PKM: variants seen among roughly 807,000 people sequenced by gnomAD.
PKM encodes pyruvate kinase M1/2, also known as pyruvate kinase PKM.
PKM carries 18 observed loss-of-function variants against 49.8 expected under a neutral mutation model. The observed-to-expected ratio is 0.36, with a 90% CI of 0.25 to 0.54. The LOEUF is 0.54. PKM is among the 20% of genes least tolerant of loss of function. The pLI, the probability that PKM is intolerant of heterozygous loss-of-function variation, is 0.89. For synonymous variants in PKM, 239 were observed against 261.8 expected (o/e 0.91, Z 0.84); for missense variants, 508 against 713.8 (o/e 0.71, Z 3.28).
At position 72,209,767 on chromosome 15, in the gene PKM, C is replaced by T; in HGVS notation, c.471G>A (p.Leu157=). Residue 157 remains leucine (L), a synonymous_variant, in exon 5 of 11, where the codon CTG becomes CTA. Transcript: ENST00000335181. ...AYMEKCDENI[L]WLDYKNICKV... is the part of the protein sequence containing the mutation. ...TGCAGATGTTCTTGTAGTCCAGCCA[C>T]AGGATGTTCTCGTCACACTTTTCCA... is the stretch of plus-strand genomic sequence containing the variant. 1.2e-6 allele frequency: 2 copies of T among 1,614,082 alleles called. No individual in the cohort carries two copies. Among genetic ancestry groups the T allele is most frequent in the Non-Finnish European group, 1.7e-6 (2 of 1,179,980 alleles).
intron 1 of PKM, chr15:72,229,533 AG>A (rs1459124838): frequency 7.8e-7 from 1 of 1,284,098 alleles, no homozygotes; most frequent in East Asian, 5.6e-5. Context: ...TAAGAAGCCA[AG>A]GGATGCCCTT....
At chr15:72,203,361 C>A in intron 8 of PKM, 1 of 636,074 alleles carries the variant, frequency 1.6e-6, no homozygotes, top group Non-Finnish European at 2.8e-6. Flanking sequence ...GAAAGTCCAA[C>A]TGCTTCAGGA....
At position 72,231,125 on chromosome 15, in the gene PKM, T is replaced by A; in HGVS notation, c.-23A>T. The A allele has an allele frequency of 5.8e-6, 2 of 345,484 alleles. No individual in the cohort carries two copies. Among genetic ancestry groups the A allele is most frequent in the South Asian group, 4.3e-5 (2 of 46,072 alleles). 21.4% of individuals were successfully genotyped at this position (345,484 alleles called of 1,614,324 possible). A position where few individuals can be genotyped will look rare whatever the true frequency, so the allele number is the denominator to read the frequency against. ...CTCCTGCACCGCTCACCTCCGGCGC[T>A]GACCGACTCGGGCTACGCTGCAAAG... On this transcript the variant is annotated 5_prime_UTR_variant, in exon 1 of 11. Coordinates refer to ENST00000335181, the MANE Select transcript of PKM (RefSeq NM_002654.6).
chr15:72,200,618 G>C lies in PKM; in HGVS notation c.1345C>G (p.Pro449Ala), dbSNP rs2081920676. 6.2e-7 allele frequency: 1 copy of C among 1,613,298 alleles called. No individual in the cohort carries two copies. The highest frequency in any genetic ancestry group is 8.5e-7 in the Non-Finnish European group (1 of 1,179,528). ...HQVARYRPRA[P>A]IIAVTRNPQT... ...GGATTCCGGGTCACAGCAATGATGG[G>C]GGCACGTGGGCGGTATCTGGCCACC... Residue 449 changes from proline (P) to alanine (A), a missense_variant, in exon 10 of 11, where the codon CCC (proline) becomes GCC (alanine). Physicochemically the swap from Pro to Ala is conservative, Grantham distance 27. Transcript: ENST00000335181. The surrounding 1 kb of genome is among the most constrained non-coding windows in gnomAD (Gnocchi z 4.6).
At chr15:72,216,167 C>A (rs1340645872) in intron 3 of PKM, among the ~76,000 whole-genome samples, 1 of 152,226 alleles carries the variant, frequency 6.6e-6, no homozygotes, top group African/African-American at 2.4e-5. Flanking sequence ...TGCCAGAGGG[C>A]AACCTCTGTA....
intron 8 of PKM, chr15:72,203,191 G>A: frequency 6.2e-7 from 1 of 1,613,412 alleles, no homozygotes; most frequent in Non-Finnish European, 8.5e-7. Flanking sequence ...CGAGCTATCT[G>A]TAAGGTTTAG....
Position 72,209,828 on chromosome 15 carries a change from C to T in PKM, c.410G>A (p.Gly137Glu), listed in dbSNP as rs2082202218. 8.7e-6 allele frequency: 14 copies of T among 1,614,088 alleles called. No individual in the cohort carries two copies. The highest frequency in any genetic ancestry group is 1.2e-5 in the Non-Finnish European group (14 of 1,180,012). Residue 137 changes from glycine to glutamate, a missense_variant, in exon 5 of 11, where the codon GGA becomes GAA. Gly to Glu is a moderately conservative substitution (Grantham distance 98, BLOSUM62 -2). Coordinates refer to ENST00000335181, the MANE Select transcript of PKM (RefSeq NM_002654.6). ...SGTAEVELKK[G>E]ATLKITLDNA... Reference sequence around the variant, plus strand: ...ATCCAGCGTGATTTTGAGAGTGGCTCCCTTCTTCAGCTCCACCTCTGCAGT... The same window carrying T: ...ATCCAGCGTGATTTTGAGAGTGGCTTCCTTCTTCAGCTCCACCTCTGCAGT...
At position 72,230,902 on chromosome 15, in the gene PKM, G is replaced by C. The variant is rs932595618; in HGVS notation, c.-14+214C>G. 6.2e-6 allele frequency: 8 copies of C among 1,285,292 alleles called. No homozygotes were observed. The East Asian group carries it at 2.8e-4, about 45-fold the overall frequency. The allele number at this position is 1,285,292 out of a possible 1,614,324, so 79.6% of individuals were successfully genotyped here. The stretch of plus-strand genomic sequence containing the variant: ...GGGAAAGGAGCCGGCGGACCCGCCT[G>C]ATCTGGAAGGAACGGCGCTGGGGAC... On this transcript the variant is annotated intron_variant, in intron 1 of 10. Coordinates refer to ENST00000335181, the MANE Select transcript of PKM (RefSeq NM_002654.6).
At chr15:72,224,973 G>C (rs1280306949) in intron 1 of PKM, among the ~76,000 whole-genome samples, 1 of 143,924 alleles carries the variant, frequency 6.9e-6, no homozygotes, top group African/African-American at 2.6e-5. Flanking sequence ...CCAGGCTGGA[G>C]TGCACTGGCG....
At chr15:72,220,208 C>G (rs2082487022) in intron 1 of PKM, among the ~76,000 whole-genome samples, 1 of 152,174 alleles carries the variant, frequency 6.6e-6, no homozygotes, top group Non-Finnish European at 1.5e-5. Context: ...AGTTCTCAGA[C>G]CAAGGGCTAC....
chr15:72,201,752 G>A (rs2081950550), intron 9 of PKM: 1 of 154,160 alleles, frequency 6.5e-6, no homozygotes, highest in South Asian at 2.0e-4. Flanking sequence ...CCCATCTGCT[G>A]CTCCTCAGTG....
At chr15:72,227,182 A>C (rs765166689) in intron 1 of PKM, among the ~76,000 whole-genome samples, 1 of 152,236 alleles carries the variant, frequency 6.6e-6, no homozygotes, top group Non-Finnish European at 1.5e-5. Context: ...CTCTATTCCC[A>C]TCTGTATCAG....
intron 8 of PKM, among the ~76,000 whole-genome samples, chr15:72,205,824 T>C (rs533007692): frequency 1.3e-5 from 2 of 152,230 alleles, no homozygotes; most frequent in African/African-American, 4.8e-5. Context: ...AGAAAGTTAA[T>C]TTCCAGCACT....
At position 72,202,417 on chromosome 15, in the gene PKM, G is replaced by T; in HGVS notation, c.1307+37C>A. 1.3e-6 allele frequency: 2 copies of T among 1,598,260 alleles called. No individual in the cohort carries two copies. The highest frequency in any genetic ancestry group is 1.7e-6 in the Non-Finnish European group (2 of 1,171,196). ...AGGACCCCCAAGGTGAGGTACCACT[G>T]AGCAGGGCATTCCAGGGAGCCGCTG... On this transcript the variant is annotated intron_variant, in intron 9 of 10. Transcript: ENST00000335181. This position sits in a 1 kb window ranked among gnomAD's most constrained non-coding sequence, Gnocchi z 4.5.
Position 72,227,760 on chromosome 15 carries a change from A to C in PKM, c.-14+3356T>G, listed in dbSNP as rs928637786. On this transcript the variant is annotated intron_variant, in intron 1 of 10. Coordinates refer to ENST00000335181, the MANE Select transcript of PKM (RefSeq NM_002654.6). ...AAACTATCTCAAAAAAAAAAAAAAA[A>C]AAAAAAAAAAAAAACAAAAAACTGA... 1.9e-3 allele frequency among the ~76,000 whole-genome samples: 259 copies of C among 133,892 alleles called. 2 individuals carry two copies. Among genetic ancestry groups the C allele is most frequent in the African/African-American group, 8.4e-3 (245 of 29,278 alleles). The allele number at this position is 133,892 out of a possible 152,430, so 87.8% of individuals were successfully genotyped here. A position where few individuals can be genotyped will look rare whatever the true frequency, so the allele number is the denominator to read the frequency against.
chr15:72,223,130 C>T (rs2082570912), intron 1 of PKM, among the ~76,000 whole-genome samples: 2 of 151,586 alleles, frequency 1.3e-5, no homozygotes, highest in African/African-American at 2.4e-5. Flanking sequence ...ATCCTCCAGC[C>T]TCAGCATCCC....
At position 72,206,785 on chromosome 15, in the gene PKM, C is replaced by T. The variant is rs751183099; in HGVS notation, c.1083G>A (p.Leu361=). The stretch of plus-strand genomic sequence containing the variant: ...AGTCCCCTTTGGCTGTTTCTCCAGA[C>T]AGCATGATGCAGTCGGCTCCATCCA... ...AVLDGADCIM[L]SGETAKGDYP... Residue 361 remains leucine (L), a synonymous_variant, in exon 8 of 11, where the codon CTG becomes CTA. Coordinates refer to ENST00000335181, the MANE Select transcript of PKM (RefSeq NM_002654.6). 6.2e-7 allele frequency: 1 copy of T among 1,614,158 alleles called. No homozygotes were observed. The highest frequency in any genetic ancestry group is 1.1e-5 in the South Asian group (1 of 91,080).
rs1157525148 is a variant in PKM, at chr15:72,202,280, TGGGCCCAGGGAA to T, written c.1307+162_1307+173del. On this transcript the variant is annotated intron_variant, in intron 9 of 10. Coordinates refer to ENST00000335181, the MANE Select transcript of PKM (RefSeq NM_002654.6). This position sits in a 1 kb window ranked among gnomAD's most constrained non-coding sequence, Gnocchi z 4.5. ...CTTATGAGTGCTACCTAGAGTCCTT[TGGGCCCAGGGAA>T]GGGGCTCTGCTCAATCCTTCCCTGC... 8.1e-5 allele frequency: 54 copies of T among 667,838 alleles called. No homozygotes were observed. The South Asian group carries it at 8.7e-4, about 11-fold the overall frequency. 41.4% of individuals were successfully genotyped at this position (667,838 alleles called of 1,614,324 possible). A position where few individuals can be genotyped will look rare whatever the true frequency, so the allele number is the denominator to read the frequency against.
chr15:72,229,930 G>C (rs1327908113), intron 1 of PKM, among the ~76,000 whole-genome samples: 2 of 98,584 alleles, frequency 2.0e-5, no homozygotes, highest in African/African-American at 6.6e-5. Flanking sequence ...AAAAAAGAAA[G>C]AAAAAAGAAA....
Sources: allele counts gnomAD v4.1 joint callset (sites outside exome capture counted in the v4.1 genomes callset), GRCh38; gene constraint gnomAD v4.1.1; non-coding constraint Gnocchi (gnomAD v3.1); transcripts MANE v1.5; gene names NCBI Gene and HGNC (gene_info 2026-07-23, HGNC 2026-07-21).